The following CTNNA1 variants were observed in gnomAD, a reference collection of about 807,000 sequenced individuals.
CTNNA1 encodes the protein catenin alpha-1.
A neutral mutation model predicts 98.4 loss-of-function variants in CTNNA1; 37 were observed. That is an observed-to-expected ratio of 0.38 (90% confidence interval 0.29 to 0.49). CTNNA1 has a LOEUF of 0.49. Ranked by LOEUF, CTNNA1 falls within the 20% of genes least tolerant of loss-of-function variation. CTNNA1 has a pLI of 0.95. For missense variants in CTNNA1, 761 were observed against 1,147.2 expected (o/e 0.66, Z 4.86); for synonymous variants, 404 against 413.2 (o/e 0.98, Z 0.27).
chr5:138,827,205 T>TA (rs779142333), intron 6 of CTNNA1, among the ~76,000 whole-genome samples: 10 of 152,366 alleles, frequency 6.6e-5, no homozygotes, highest in Non-Finnish European at 1.0e-4. Context: ...TTTGAATTGC[T>TA]AGTCTTATAC....
chr5:138,868,456 T>C (rs1178508492), intron 7 of CTNNA1, among the ~76,000 whole-genome samples: 2 of 152,194 alleles, frequency 1.3e-5, no homozygotes, highest in East Asian at 3.8e-4. Flanking sequence ...AGGAGTGGCA[T>C]GGAAGGTGCT....
intron 7 of CTNNA1, among the ~76,000 whole-genome samples, chr5:138,861,275 C>T (rs1310455612): frequency 6.6e-6 from 1 of 152,162 alleles, no homozygotes. Context: ...CCCACTTCAG[C>T]CTCCCGAAGT....
At chr5:138,813,138 C>T (rs1759015271) in intron 5 of CTNNA1, among the ~76,000 whole-genome samples, 2 of 152,154 alleles carry the variant, frequency 1.3e-5, no homozygotes, top group African/African-American at 4.8e-5. Flanking sequence ...GGCTAAGTGA[C>T]TTCAGGGTTG....
At chr5:138,853,307 T>C (rs576347133) in intron 7 of CTNNA1, among the ~76,000 whole-genome samples, 1 of 152,218 alleles carries the variant, frequency 6.6e-6, no homozygotes, top group Non-Finnish European at 1.5e-5. Context: ...ATCTTTTTAA[T>C]GTACTTGTAA....
chr5:138,861,546 T>C (rs1306854597), intron 7 of CTNNA1, among the ~76,000 whole-genome samples: 1 of 152,230 alleles, frequency 6.6e-6, no homozygotes, highest in Non-Finnish European at 1.5e-5. Flanking sequence ...CTGAAATGTT[T>C]GCCATATCTT....
chr5:138,871,493 A>G (rs540479333), intron 7 of CTNNA1: 148 of 152,338 alleles, frequency 9.7e-4, no homozygotes, highest in African/African-American at 3.2e-3. Flanking sequence ...AAAATGTGGC[A>G]TCCTTATCAT....
At chr5:138,927,185 C>T (rs994661974) in intron 13 of CTNNA1, among the ~76,000 whole-genome samples, 1 of 152,204 alleles carries the variant, frequency 6.6e-6, no homozygotes, top group Non-Finnish European at 1.5e-5. Flanking sequence ...CACAGGGCAG[C>T]CAGAGCGATT....
chr5:138,801,248 C>T lies in CTNNA1; in HGVS notation c.302-8790C>T, dbSNP rs149644002. 2.6e-5 allele frequency among the ~76,000 whole-genome samples: 4 copies of T among 152,248 alleles called. No homozygotes were observed. In the East Asian group the frequency reaches 5.8e-4, roughly 22 times the overall value. On this transcript the variant is annotated intron_variant, in intron 3 of 17. Transcript: ENST00000302763. Reference sequence around the variant, plus strand: ...TGTTTGATTATATTTCCCTTGACTGCGAATGGCACCATGTACGGCCTGTGT... The same window carrying T: ...TGTTTGATTATATTTCCCTTGACTGTGAATGGCACCATGTACGGCCTGTGT...
rs34458033 is a variant in CTNNA1 at position 138,922,930 on chromosome 5, T to TA, written c.1547-1566dup. Among the ~76,000 whole-genome samples, 357 of 142,554 alleles carry TA rather than the reference T, an allele frequency of 2.5e-3. 1 individual carries two copies. Among genetic ancestry groups the TA allele is most frequent in the East Asian group, 3.3e-3 (16 of 4,832 alleles). 93.5% of individuals were successfully genotyped at this position (142,554 alleles called of 152,430 possible). On this transcript the variant is annotated intron_variant, in intron 11 of 17. Coordinates refer to ENST00000302763, the MANE Select transcript of CTNNA1 (RefSeq NM_001903.5). ...TGAATTCAAGAAAGTCTAAATGGAT[T>TA]AAAAAAAAAAAAAACCGTAGAAGTA...
chr5:138,776,639 C>A (rs1754228572), intron 1 of CTNNA1, among the ~76,000 whole-genome samples: 1 of 151,790 alleles, frequency 6.6e-6, no homozygotes, highest in African/African-American at 2.4e-5. Flanking sequence ...AGGCGCCCCT[C>A]ACCTCCCGGA....
intron 9 of CTNNA1, among the ~76,000 whole-genome samples, chr5:138,894,326 G>A (rs1351318505): frequency 7.0e-6 from 1 of 142,576 alleles, no homozygotes; most frequent in Non-Finnish European, 1.5e-5. Context: ...TTGTCACCTA[G>A]GCTGGTGTGC....
intron 1 of CTNNA1, among the ~76,000 whole-genome samples, chr5:138,756,043 T>C (rs1220521562): frequency 6.6e-6 from 1 of 150,910 alleles, no homozygotes; most frequent in Non-Finnish European, 1.5e-5. Context: ...TATTTATTTA[T>C]TTATTTATTT....
chr5:138,933,996 T>G lies in CTNNA1; in HGVS notation c.2628T>G (p.Asp876Glu). Residue 876 changes from aspartate (D) to glutamate (E), a missense_variant, in exon 18 of 18, where the codon GAT becomes GAG. This residue lies in a region of CTNNA1 where 57 missense variants were observed against 90.9 expected (regional missense o/e 0.63). Transcript: ENST00000302763. ...CATTGGTGAAGAGAGAGAAACAGGATGAGACACAGACCAAGATTAAACGGG... is the reference window on the plus strand; with the variant it reads ...CATTGGTGAAGAGAGAGAAACAGGAGGAGACACAGACCAAGATTAAACGGG... ...KKPLVKREKQ[D>E]ETQTKIKRAS... 1.2e-6 allele frequency: 2 copies of G among 1,614,084 alleles called. No individual in the cohort carries two copies. The highest frequency in any genetic ancestry group is 1.7e-6 in the Non-Finnish European group (2 of 1,180,022).
chr5:138,810,930 C>A (rs1471977038), intron 4 of CTNNA1, among the ~76,000 whole-genome samples: 2 of 141,264 alleles, frequency 1.4e-5, no homozygotes, highest in African/African-American at 2.5e-5. Flanking sequence ...CTGACCCCCC[C>A]ACCTCCCTCC....
chr5:138,816,108 C>T (rs1342270816), intron 5 of CTNNA1, among the ~76,000 whole-genome samples: 1 of 152,250 alleles, frequency 6.6e-6, no homozygotes, highest in East Asian at 1.9e-4. Context: ...GAGTCAACTT[C>T]TTAAGCTTCC....
At chr5:138,916,625 C>T (rs942202502) in intron 10 of CTNNA1, among the ~76,000 whole-genome samples, 2 of 151,880 alleles carry the variant, frequency 1.3e-5, no homozygotes, top group African/African-American at 4.8e-5. Context: ...TGGGCTCAAG[C>T]AGTGTTCCCA....
intron 9 of CTNNA1, chr5:138,891,330 C>T (rs1561665185): frequency 6.6e-6 from 1 of 152,124 alleles, no homozygotes; most frequent in Non-Finnish European, 1.5e-5. Flanking sequence ...ACTCTCCCTC[C>T]AGAGACAGCA....
chr5:138,844,102 A>G lies in CTNNA1; in HGVS notation c.1062+16384A>G, dbSNP rs567926615. Among the ~76,000 whole-genome samples the G allele has an allele frequency of 2.0e-5, 3 of 149,348 alleles. No homozygotes were observed. The South Asian group carries it at 6.4e-4, about 32-fold the overall frequency. ...AGTGGAAGCAAGTTTGTGGAAAGCA[A>G]AGGAATAAAGAATGGCCACTCCATA... On this transcript the variant is annotated intron_variant, in intron 7 of 17. Coordinates refer to ENST00000302763, the MANE Select transcript of CTNNA1 (RefSeq NM_001903.5).
intron 7 of CTNNA1, among the ~76,000 whole-genome samples, chr5:138,837,901 G>C (rs1019602299): frequency 6.6e-6 from 1 of 152,162 alleles, no homozygotes; most frequent in African/African-American, 2.4e-5. Flanking sequence ...TGGGATTACA[G>C]GTGTGAGCCA....
Sources: allele counts gnomAD v4.1 joint callset (sites outside exome capture counted in the v4.1 genomes callset), GRCh38; gene constraint gnomAD v4.1.1; regional missense constraint gnomAD v4.1.1; transcripts MANE v1.5; gene names NCBI Gene and HGNC (gene_info 2026-07-23, HGNC 2026-07-21).